Variants in ANO6 observed in about 807,000 individuals in gnomAD.
ANO6 encodes anoctamin 6.
Under a neutral mutation model 117.5 loss-of-function variants are expected in ANO6, and 106 were observed. The ratio of observed to expected loss-of-function variants is 0.90; its 90% CI spans 0.77 to 1.06. ANO6 has a LOEUF of 1.06. ANO6 is among the 50% of genes least tolerant of loss of function. The probability of loss-of-function intolerance (pLI) is 0.00; values close to 1 mark genes in which losing one functional copy is unlikely to be tolerated. For missense variants in ANO6, 955 were observed against 1,121.1 expected (o/e 0.85, Z 2.12); for synonymous variants, 367 against 385.1 (o/e 0.95, Z 0.55).
At chr12:45,232,980 A>C (rs1592847459) in intron 1 of ANO6, among the ~76,000 whole-genome samples, 1 of 152,136 alleles carries the variant, frequency 6.6e-6, no homozygotes, top group African/African-American at 2.4e-5. Context: ...TGTTCCCTGC[A>C]CTCCATCTTT....
At chr12:45,316,578 T>G (rs1940033062) in intron 2 of ANO6, among the ~76,000 whole-genome samples, 1 of 152,116 alleles carries the variant, frequency 6.6e-6, no homozygotes, top group South Asian at 2.1e-4. Flanking sequence ...TGGAAACGAC[T>G]TAGTCTATTG....
chr12:45,343,797 C>CACT lies in ANO6; in HGVS notation c.280-3225_280-3224insACT, dbSNP rs1941047999. Among the ~76,000 whole-genome samples, 4 of 152,254 alleles carry CACT rather than the reference C, an allele frequency of 2.6e-5. No individual in the cohort carries two copies. In the South Asian group the frequency reaches 8.3e-4, roughly 32 times the overall value. On this transcript the variant is annotated intron_variant, in intron 3 of 19. Coordinates refer to ENST00000320560, the MANE Select transcript of ANO6 (RefSeq NM_001025356.3). ...CTGAGCACAGGGCTGCTGCCAGCAC[C>CACT]GCTGGCACCACTGACTAGCAGTAGC...
intron 1 of ANO6, among the ~76,000 whole-genome samples, chr12:45,297,624 G>C (rs1939337840): frequency 1.3e-5 from 2 of 152,022 alleles, no homozygotes; most frequent in African/African-American, 4.8e-5. Context: ...AATTCTTTTG[G>C]GCTGTTGATT....
intron 4 of ANO6, 81 bp downstream of exon 4, chr12:45,347,168 T>A (rs1941157482): frequency 1.5e-6 from 2 of 1,353,062 alleles, no homozygotes; most frequent in East Asian, 2.3e-5. Flanking sequence ...TTGGGTGACA[T>A]TGGAAACATG....
chr12:45,293,177 G>A (rs1358428174), intron 1 of ANO6, among the ~76,000 whole-genome samples: 2 of 152,196 alleles, frequency 1.3e-5, no homozygotes, highest in African/African-American at 4.8e-5. Context: ...AAGAGCACTA[G>A]TAACTGTACT....
intron 1 of ANO6, among the ~76,000 whole-genome samples, chr12:45,289,068 A>G (rs1939010549): frequency 6.6e-6 from 1 of 151,980 alleles, no homozygotes; most frequent in Admixed American, 6.6e-5. Flanking sequence ...CATTATATAC[A>G]GTCATATAGC....
At chr12:45,308,568 A>T (rs556126569) in intron 2 of ANO6, among the ~76,000 whole-genome samples, 1 of 152,192 alleles carries the variant, frequency 6.6e-6, no homozygotes, top group East Asian at 1.9e-4. Flanking sequence ...AGCCTACTCA[A>T]TGGTAGTGGT....
chr12:45,409,633 A>G (rs1302067164), intron 16 of ANO6, 146 bp downstream of exon 16: 3 of 994,636 alleles, frequency 3.0e-6, no homozygotes, highest in East Asian at 2.6e-5. Flanking sequence ...AAATTATACA[A>G]TCCAGCTTTC....
intron 15 of ANO6, among the ~76,000 whole-genome samples, chr12:45,406,760 T>G (rs1043828851): frequency 1.3e-5 from 2 of 152,120 alleles, no homozygotes; most frequent in Non-Finnish European, 2.9e-5. Flanking sequence ...TAGATTCAGA[T>G]AGTGAAGGAT....
chr12:45,281,688 G>A (rs1938740720), intron 1 of ANO6, among the ~76,000 whole-genome samples: 2 of 151,992 alleles, frequency 1.3e-5, no homozygotes, highest in African/African-American at 4.8e-5. Context: ...CCAACATTCG[G>A]GATTACATTT....
chr12:45,270,486 CT>C, intron 1 of ANO6: 2 of 1,458,020 alleles, frequency 1.4e-6, no homozygotes, highest in South Asian at 1.2e-5. Flanking sequence ...TCCAGGAGGC[CT>C]TTTCTGACTC....
chr12:45,429,058 C>T (rs751836060), intron 19 of ANO6, 47 bp from the exon 20 acceptor site: 1 of 1,599,834 alleles, frequency 6.3e-7, no homozygotes. Flanking sequence ...ACTCGGTGTT[C>T]TCCTCCATTT....
Position 45,401,782 on chromosome 12 carries a change from G to C in ANO6, c.1387-13G>C, listed in dbSNP as rs377557264. 2 of 1,606,598 alleles carry C rather than the reference G, an allele frequency of 1.2e-6. No individual in the cohort carries two copies. Among genetic ancestry groups the C allele is most frequent in the Non-Finnish European group, 1.7e-6 (2 of 1,173,950 alleles). On this transcript the variant is annotated splice_polypyrimidine_tract_variant and intron_variant, in intron 12 of 19. Transcript: ENST00000320560. ...TGGTGAGTCTCATGCTACTGTGTTT[G>C]TTGTGCTTTCAGATCCTATTGATCA...
intron 19 of ANO6, among the ~76,000 whole-genome samples, chr12:45,439,520 G>C (rs1253864304): frequency 1.3e-5 from 2 of 152,098 alleles, no homozygotes; most frequent in Admixed American, 6.5e-5. Flanking sequence ...AAGGCAGTCT[G>C]TCTGGACATG....
At chr12:45,227,338 T>C (rs1167827277) in intron 1 of ANO6, among the ~76,000 whole-genome samples, 5 of 152,204 alleles carry the variant, frequency 3.3e-5, no homozygotes, top group African/African-American at 9.6e-5. Flanking sequence ...GATGAACTTA[T>C]ATAGGTAATT....
chr12:45,374,774 T>C (rs563948385), intron 9 of ANO6, among the ~76,000 whole-genome samples: 1,627 of 151,884 alleles, frequency 0.011, 26 homozygotes, highest in African/African-American at 0.037. Context: ...ACTGGAAGCA[T>C]TCCCTTTGAA....
intron 2 of ANO6, among the ~76,000 whole-genome samples, chr12:45,305,120 A>G (rs1233499735): frequency 6.6e-6 from 1 of 152,184 alleles, no homozygotes; most frequent in Non-Finnish European, 1.5e-5. Flanking sequence ...AGAGATGTGA[A>G]CATAAGGTGC....
At chr12:45,427,936 CAAAA>C (rs35996135) in intron 19 of ANO6, among the ~76,000 whole-genome samples, 1 of 62,956 alleles carries the variant, frequency 1.6e-5, no homozygotes, top group Admixed American at 1.7e-4. Flanking sequence ...GACTCTGCCT[CAAAA>C]AAAAAAAAAA....
At chr12:45,297,022 C>T (rs898473149) in intron 1 of ANO6, among the ~76,000 whole-genome samples, 1 of 152,026 alleles carries the variant, frequency 6.6e-6, no homozygotes, top group Non-Finnish European at 1.5e-5. Context: ...GGGAAAGTAA[C>T]GTTATCACTA....
Sources: gnomAD v4.1 joint callset for allele counts (sites outside exome capture counted in the v4.1 genomes callset) on GRCh38, gnomAD v4.1.1 for gene constraint, MANE v1.5 for transcripts, NCBI Gene and HGNC (gene_info 2026-07-23, HGNC 2026-07-21) for gene names.